ATRN: variants seen among roughly 807,000 people sequenced by gnomAD.
ATRN encodes attractin-2.
In ATRN, 54 loss-of-function variants were observed where a neutral mutation model predicts 178.7. The observed-to-expected ratio is 0.30, with a 90% CI of 0.24 to 0.38. The LOEUF (loss-of-function observed/expected upper bound fraction) is 0.38. Among genes scored for constraint, ATRN ranks in the 10% least tolerant of loss-of-function variants. ATRN has a pLI of 1.00. For synonymous variants in ATRN, 636 were observed against 663.0 expected (o/e 0.96, Z 0.63); for missense variants, 1,443 against 1,815.1 (o/e 0.79, Z 3.73).
chr20:3,620,618 G>A (rs1425509880), intron 24 of ATRN, among the ~76,000 whole-genome samples: 1 of 152,196 alleles, frequency 6.6e-6, no homozygotes, highest in Non-Finnish European at 1.5e-5. Flanking sequence ...AATCACTGGA[G>A]GAGCTTAAAG....
chr20:3,487,231 TTTAA>T (rs1316579411), intron 1 of ATRN, among the ~76,000 whole-genome samples: 2 of 152,284 alleles, frequency 1.3e-5, no homozygotes, highest in East Asian at 1.9e-4. Flanking sequence ...TTTAAGCAAT[TTTAA>T]TTAATTAATT....
intron 23 of ATRN, 21 bp downstream of exon 23, chr20:3,601,045 G>A: frequency 3.8e-6 from 6 of 1,578,334 alleles, no homozygotes; most frequent in Non-Finnish European, 5.2e-6. Context: ...ACCTAGAGAA[G>A]ACCCCGCAAA....
intron 3 of ATRN, among the ~76,000 whole-genome samples, chr20:3,545,192 T>G (rs2085681914): frequency 6.6e-6 from 1 of 151,796 alleles, no homozygotes; most frequent in African/African-American, 2.4e-5. Flanking sequence ...CATGATGAAA[T>G]GCTGTCTCTA....
intron 2 of ATRN, 39 bp downstream of exon 2, chr20:3,535,375 C>A: frequency 1.7e-6 from 2 of 1,177,982 alleles, no homozygotes; most frequent in Non-Finnish European, 2.3e-6. Flanking sequence ...GTTTTTTTAG[C>A]ATAGAAGTCA....
intron 15 of ATRN, among the ~76,000 whole-genome samples, chr20:3,581,226 T>G (rs1192295401): frequency 8.5e-5 from 13 of 152,172 alleles, no homozygotes. Flanking sequence ...CACTCCAGCA[T>G]GGGCAACAGA....
chr20:3,624,418 GCT>G, intron 24 of ATRN, 91 bp from the exon 25 acceptor site: 2 of 1,133,930 alleles, frequency 1.8e-6, no homozygotes, highest in South Asian at 1.3e-5. Flanking sequence ...TAAAATGTAA[GCT>G]CTGTTTTCAG....
intron 3 of ATRN, among the ~76,000 whole-genome samples, chr20:3,541,502 G>A (rs2085621914): frequency 6.6e-6 from 1 of 152,178 alleles, no homozygotes; most frequent in Non-Finnish European, 1.5e-5. Flanking sequence ...AGATGGTATA[G>A]CCTACTGTAC....
rs35770410 is a variant in ATRN, at chr20:3,610,567, A to ATTTTTT, written c.3801+6323_3801+6328dup. On this transcript the variant is annotated intron_variant, in intron 24 of 28. Transcript: ENST00000262919. ...ACACCGCCACGCTAGTTCCAGCTGA[A>ATTTTTT]TTTTTTTTTTTTTTTTTTTTTTTGA... 7.4e-4 allele frequency among the ~76,000 whole-genome samples: 69 copies of ATTTTTT among 93,648 alleles called. 2 individuals are homozygous for ATTTTTT. Among genetic ancestry groups the ATTTTTT allele is most frequent in the Non-Finnish European group, 1.3e-3 (63 of 49,406 alleles). The allele number at this position is 93,648 out of a possible 152,430, so 61.4% of individuals were successfully genotyped here. A position where few individuals can be genotyped will look rare whatever the true frequency, so the allele number is the denominator to read the frequency against.
At chr20:3,501,715 T>C (rs2084967277) in intron 1 of ATRN, among the ~76,000 whole-genome samples, 1 of 152,188 alleles carries the variant, frequency 6.6e-6, no homozygotes, top group Non-Finnish European at 1.5e-5. Context: ...GGGCCAACTT[T>C]TGGTACAGCT....
intron 1 of ATRN, among the ~76,000 whole-genome samples, chr20:3,527,671 C>CA (rs1377701226): frequency 6.6e-6 from 1 of 152,168 alleles, no homozygotes; most frequent in African/African-American, 2.4e-5. Flanking sequence ...GGAACCAACC[C>CA]AAATGCCCAT....
At chr20:3,500,781 A>G (rs571090268) in intron 1 of ATRN, among the ~76,000 whole-genome samples, 133 of 152,030 alleles carry the variant, frequency 8.7e-4, no homozygotes, top group African/African-American at 2.4e-3. Context: ...GCACATGTAT[A>G]CATATGTAAC....
Position 3,519,006 on chromosome 20 carries a change from T to TAAAAAAA in ATRN, c.411-16239_411-16233dup, listed in dbSNP as rs577864057. ...GTGCTTCAATAAACATCCTTATATA[T>TAAAAAAA]AAAAAAAAAAAAAAGAAAGAAAACT... On this transcript the variant is annotated intron_variant, in intron 1 of 28. Coordinates refer to ENST00000262919, the MANE Select transcript of ATRN (RefSeq NM_139321.3). 2.1e-4 allele frequency among the ~76,000 whole-genome samples: 25 copies of TAAAAAAA among 119,456 alleles called. 2 individuals carry two copies. The highest frequency in any genetic ancestry group is 5.2e-4 in the South Asian group (2 of 3,860). 78.4% of individuals were successfully genotyped at this position (119,456 alleles called of 152,430 possible).
At position 3,572,965 on chromosome 20, in the gene ATRN, T is replaced by C. The variant is rs778857376; in HGVS notation, c.2092+14T>C. ...TTTCCAAAAGAAGTATGTTTTTTTT[T>C]CTCTACTTAGATTTTAATGAATTTG... is the stretch of plus-strand genomic sequence containing the variant. On this transcript the variant is annotated intron_variant, in intron 12 of 28. Transcript: ENST00000262919. The C allele has an allele frequency of 8.7e-6, 14 of 1,605,046 alleles. No individual in the cohort carries two copies. The highest frequency in any genetic ancestry group is 5.4e-5 in the African/African-American group (4 of 74,590).
At chr20:3,633,903 T>C (rs2087006517) in intron 25 of ATRN, among the ~76,000 whole-genome samples, 1 of 152,256 alleles carries the variant, frequency 6.6e-6, no homozygotes. Flanking sequence ...AAAAGTTGAT[T>C]GTTACTTTAA....
intron 22 of ATRN, among the ~76,000 whole-genome samples, chr20:3,599,743 G>A (rs1370740409): frequency 5.3e-5 from 8 of 152,192 alleles, no homozygotes; most frequent in African/African-American, 9.7e-5. Flanking sequence ...TCCTGGAACC[G>A]ATGACCCACG....
At position 3,512,103 on chromosome 20, in the gene ATRN, A is replaced by T. The variant is rs1278717576; in HGVS notation, c.411-23150A>T. ...TTTTCTTTTATATATATATATATAT[A>T]TATATTTTTTTTTTTTATTATACTT... On this transcript the variant is annotated intron_variant, in intron 1 of 28. Transcript: ENST00000262919. Among the ~76,000 whole-genome samples, 553 of 117,218 alleles carry T rather than the reference A, an allele frequency of 4.7e-3. 1 individual carries two copies. The highest frequency in any genetic ancestry group is 7.0e-3 in the Admixed American group (85 of 12,218). The allele number at this position is 117,218 out of a possible 152,430, so 76.9% of individuals were successfully genotyped here. A position where few individuals can be genotyped will look rare whatever the true frequency, so the allele number is the denominator to read the frequency against.
chr20:3,579,817 C>A (rs1667966816), intron 15 of ATRN, among the ~76,000 whole-genome samples: 1 of 152,178 alleles, frequency 6.6e-6, no homozygotes, highest in Admixed American at 6.5e-5. Context: ...GAGGGCAACA[C>A]TTCCTTGGGT....
chr20:3,475,706 C>T (rs1439251924), intron 1 of ATRN, among the ~76,000 whole-genome samples: 1 of 151,940 alleles, frequency 6.6e-6, no homozygotes, highest in Non-Finnish European at 1.5e-5. Context: ...TTTTAAGTTC[C>T]TGCTGTAGAA....
intron 6 of ATRN, among the ~76,000 whole-genome samples, chr20:3,554,305 TTTTATTTATTTATTTATTTA>T (rs10626066): frequency 2.2e-5 from 3 of 139,180 alleles, no homozygotes; most frequent in Non-Finnish European, 3.1e-5. Context: ...GATTACAGAT[TTTTATTTATTTATTTATTTA>T]TTTATTTATT....
Sources: allele counts gnomAD v4.1 joint callset (sites outside exome capture counted in the v4.1 genomes callset), GRCh38; gene constraint gnomAD v4.1.1; transcripts MANE v1.5; gene names NCBI Gene and HGNC (gene_info 2026-07-23, HGNC 2026-07-21).